GTF2F2: variants seen among roughly 807,000 people sequenced by gnomAD.
GTF2F2 encodes general transcription factor IIF subunit 2, also known as ATP-dependent helicase GTF2F2.
In GTF2F2, 23 loss-of-function variants were observed where a neutral mutation model predicts 42.2. That is an observed-to-expected ratio of 0.55 (90% CI 0.39 to 0.77). GTF2F2 has a LOEUF of 0.77. GTF2F2 is among the 30% of genes least tolerant of loss of function. The pLI is 0.00. For missense variants in GTF2F2, 261 were observed against 287.2 expected, an observed-to-expected ratio of 0.91 and a Z score of 0.66; for synonymous variants, 105 against 100.8, an observed-to-expected ratio of 1.04 and a Z score of -0.25.
chr13:45,182,212 G>A (rs1371242076), intron 4 of GTF2F2, among the ~76,000 whole-genome samples: 1 of 152,068 alleles, frequency 6.6e-6, no homozygotes, highest in Non-Finnish European at 1.5e-5. Flanking sequence ...GTACAGTGGT[G>A]CAATCTCGGC....
intron 3 of GTF2F2, among the ~76,000 whole-genome samples, chr13:45,151,104 G>GT (rs1033433171): frequency 1.3e-5 from 2 of 152,126 alleles, no homozygotes; most frequent in Non-Finnish European, 2.9e-5. Context: ...CCAATAGGTA[G>GT]TTTTTTAACC....
chr13:45,280,423 T>C (rs935374763), intron 7 of GTF2F2, among the ~76,000 whole-genome samples: 1 of 152,234 alleles, frequency 6.6e-6, no homozygotes, highest in South Asian at 2.1e-4. Flanking sequence ...TCTCTGCTAA[T>C]GTTTTATACC....
At chr13:45,163,302 CT>C (rs1871122427) in intron 4 of GTF2F2, among the ~76,000 whole-genome samples, 1 of 152,046 alleles carries the variant, frequency 6.6e-6, no homozygotes, top group African/African-American at 2.4e-5. Flanking sequence ...AAAACCAAAC[CT>C]AACTTAGTAA....
chr13:45,225,948 TAACTC>T (rs1054691091), intron 5 of GTF2F2, among the ~76,000 whole-genome samples: 11 of 152,144 alleles, frequency 7.2e-5, no homozygotes, highest in African/African-American at 2.7e-4. Context: ...TTATTGTAAT[TAACTC>T]AACAAGTATG....
chr13:45,199,696 A>T (rs908015889), intron 4 of GTF2F2, among the ~76,000 whole-genome samples: 1 of 152,234 alleles, frequency 6.6e-6, no homozygotes, highest in African/African-American at 2.4e-5. Context: ...TGGGAAGAAG[A>T]TATTTTAAGC....
intron 4 of GTF2F2, among the ~76,000 whole-genome samples, chr13:45,174,634 C>CTTTTTTTT (rs397950608): frequency 3.8e-4 from 31 of 81,442 alleles, no homozygotes; most frequent in Non-Finnish European, 6.8e-4. Context: ...TTTCTTTTTT[C>CTTTTTTTT]TTTTTTTTTT....
Position 45,168,270 on chromosome 13 carries a change from C to T in GTF2F2, c.304+16439C>T, listed in dbSNP as rs545246676. ...ATAGCCTCTCAAGGCCTTGCCGTTACTGTGCACACTAGCCAACTTTTACAT... is the reference window on the plus strand; with the variant it reads ...ATAGCCTCTCAAGGCCTTGCCGTTATTGTGCACACTAGCCAACTTTTACAT... On this transcript the variant is annotated intron_variant, in intron 4 of 7. Transcript: ENST00000340473. Among the ~76,000 whole-genome samples the T allele has an allele frequency of 1.0e-3, 153 of 152,362 alleles. 2 individuals are homozygous for T. The South Asian group carries it at 0.031, about 31-fold the overall frequency.
chr13:45,211,786 A>G (rs1219535296), intron 5 of GTF2F2, among the ~76,000 whole-genome samples: 1 of 151,828 alleles, frequency 6.6e-6, no homozygotes, highest in Non-Finnish European at 1.5e-5. Context: ...GGGTTTCTCC[A>G]TGTTGGTCAG....
rs777328955 is a variant in GTF2F2, at chr13:45,193,926, G to A, written c.305-13498G>A. ...GAGTTTCCAAGGTACAGACAAAGGT[G>A]TTGTCTTCCTTTAGTACAAGTCGAG... On this transcript the variant is annotated intron_variant, in intron 4 of 7. Transcript: ENST00000340473. 1.9e-6 allele frequency: 3 copies of A among 1,614,092 alleles called. No individual in the cohort carries two copies. In the South Asian group the frequency reaches 3.3e-5, roughly 18 times the overall value.
intron 1 of GTF2F2, among the ~76,000 whole-genome samples, chr13:45,132,504 T>C (rs1869414231): frequency 6.6e-6 from 1 of 151,620 alleles, no homozygotes; most frequent in Non-Finnish European, 1.5e-5. Context: ...TAAATCAGAG[T>C]GTGCACACTG....
Position 45,120,626 on chromosome 13 carries a change from A to C in GTF2F2, c.-30A>C. On this transcript the variant is annotated 5_prime_UTR_variant, in exon 1 of 8. Transcript: ENST00000340473. ...CTGCGGCTCCTGGGGTCGCTGCTGC[A>C]TCCCGCACGCCTCCACCGGCTGCAG... 2 of 1,539,984 alleles carry C rather than the reference A, an allele frequency of 1.3e-6. No individual in the cohort carries two copies. Among genetic ancestry groups the C allele is most frequent in the Non-Finnish European group, 1.8e-6 (2 of 1,136,484 alleles).
intron 5 of GTF2F2, among the ~76,000 whole-genome samples, chr13:45,211,878 G>C (rs531878742): frequency 2.6e-5 from 4 of 152,028 alleles, no homozygotes; most frequent in African/African-American, 9.7e-5. Context: ...AATCCACTGC[G>C]CCAGCCCAGG....
At chr13:45,272,257 A>G (rs1876824628) in intron 7 of GTF2F2, among the ~76,000 whole-genome samples, 2 of 151,292 alleles carry the variant, frequency 1.3e-5, no homozygotes, top group Admixed American at 6.6e-5. Flanking sequence ...ATAAACTATT[A>G]ACTATGTTGA....
At chr13:45,219,957 C>A (rs1205345470) in intron 5 of GTF2F2, among the ~76,000 whole-genome samples, 1 of 152,030 alleles carries the variant, frequency 6.6e-6, no homozygotes, top group Non-Finnish European at 1.5e-5. Flanking sequence ...CATATATGGG[C>A]GTGGTGAGGT....
chr13:45,140,690 C>T (rs1407716916), intron 2 of GTF2F2, among the ~76,000 whole-genome samples: 1 of 151,588 alleles, frequency 6.6e-6, no homozygotes, highest in African/African-American at 2.4e-5. Flanking sequence ...GGTTTTTTTT[C>T]CCTCAATGTG....
intron 4 of GTF2F2, among the ~76,000 whole-genome samples, chr13:45,167,343 A>G (rs1038590673): frequency 3.3e-5 from 5 of 150,498 alleles, no homozygotes; most frequent in Non-Finnish European, 7.4e-5. Flanking sequence ...CAGCCTCCCA[A>G]ATAAATGTTA....
At position 45,120,818 on chromosome 13, in the gene GTF2F2, T is replaced by C. The variant is rs1196329833; in HGVS notation, c.66+97T>C. The C allele has an allele frequency of 1.5e-5, 13 of 839,784 alleles. No individual in the cohort carries two copies. The East Asian group carries it at 3.5e-4, about 23-fold the overall frequency. 52.0% of individuals were successfully genotyped at this position (839,784 alleles called of 1,614,324 possible). A position where few individuals can be genotyped will look rare whatever the true frequency, so the allele number is the denominator to read the frequency against. On this transcript the variant is annotated intron_variant, in intron 1 of 7. Transcript: ENST00000340473. ...GCTCCGTGCGCCTCTTAAAGTTCTT[T>C]TACGGCTATCTCGTTAGAGCTTCAC...
chr13:45,216,412 G>C (rs1410179880), intron 5 of GTF2F2, among the ~76,000 whole-genome samples: 2 of 152,018 alleles, frequency 1.3e-5, no homozygotes, highest in Non-Finnish European at 2.9e-5. Context: ...TCTTCTGCCT[G>C]GTCTCTTGTG....
chr13:45,239,541 T>G (rs1043309704), intron 5 of GTF2F2, among the ~76,000 whole-genome samples: 2 of 152,242 alleles, frequency 1.3e-5, no homozygotes, highest in African/African-American at 2.4e-5. Context: ...TGTCATCTAT[T>G]TGACCTTACT....
Sources: gnomAD v4.1 joint callset for allele counts (sites outside exome capture counted in the v4.1 genomes callset) on GRCh38, gnomAD v4.1.1 for gene constraint, MANE v1.5 for transcripts, NCBI Gene and HGNC (gene_info 2026-07-23, HGNC 2026-07-21) for gene names.